Variants in RBFOX1 observed in about 807,000 individuals in gnomAD.
RBFOX1 encodes RNA binding fox-1 homolog 1.
RBFOX1 carries 8 observed loss-of-function variants against 57.7 expected under a neutral mutation model. The ratio of observed to expected loss-of-function variants is 0.14; its 90% CI spans 0.08 to 0.25. The LOEUF is 0.25. Among genes scored for constraint, RBFOX1 ranks in the 10% least tolerant of loss-of-function variants. The probability of loss-of-function intolerance (pLI) is 1.00; values close to 1 mark genes in which losing one functional copy is unlikely to be tolerated. For missense variants in RBFOX1, 611 were observed against 548.5 expected (o/e 1.11, Z -1.14); for synonymous variants, 326 against 222.4 (o/e 1.47, Z -4.15).
Position 5,807,018 on chromosome 16 carries a change from G to A in RBFOX1, c.319-60285G>A, listed in dbSNP as rs552261237. Among the ~76,000 whole-genome samples the A allele has an allele frequency of 3.3e-5, 5 of 152,244 alleles. No individual in the cohort carries two copies. The East Asian group carries it at 5.8e-4, about 18-fold the overall frequency. On this transcript the variant is annotated intron_variant, in intron 3 of 19. Coordinates refer to the RBFOX1 transcript ENST00000641259. ...GGGGGAGAAGCTAGAGCTACCCCCC[G>A]ACACCTCCTCCAGCAGGCACCAGTG...
chr16:6,020,108 G>A (rs905712125), intron 1 of RBFOX1, 116 bp downstream of exon 1: 7 of 1,193,716 alleles, frequency 5.9e-6, no homozygotes, highest in Non-Finnish European at 6.5e-6. Flanking sequence ...CCTAGCGCCA[G>A]TCTGGGCGCT....
chr16:5,393,128 G>C (rs936236046), intron 1 of RBFOX1, among the ~76,000 whole-genome samples: 2 of 152,140 alleles, frequency 1.3e-5, no homozygotes, highest in Admixed American at 1.3e-4. Flanking sequence ...CACCTAGAGT[G>C]ATGGAAATGG....
intron 1 of RBFOX1, among the ~76,000 whole-genome samples, chr16:6,052,599 T>A (rs1040888534): frequency 6.6e-6 from 1 of 151,716 alleles, no homozygotes; most frequent in African/African-American, 2.4e-5. Context: ...CCTGGCTAAC[T>A]TGGTGAAACT....
At chr16:6,775,513 C>T (rs1000179462) in intron 3 of RBFOX1, among the ~76,000 whole-genome samples, 1 of 151,914 alleles carries the variant, frequency 6.6e-6, no homozygotes, top group African/African-American at 2.4e-5. Context: ...AAATCAGATG[C>T]AACCAATTAT....
At chr16:7,689,530 C>T (rs533946977) in intron 14 of RBFOX1, among the ~76,000 whole-genome samples, 1 of 152,036 alleles carries the variant, frequency 6.6e-6, no homozygotes, top group Non-Finnish European at 1.5e-5. Flanking sequence ...ATTACCAGAC[C>T]TCTCTCCTGG....
At chr16:6,481,012 A>C (rs552685239) in intron 2 of RBFOX1, among the ~76,000 whole-genome samples, 1 of 152,300 alleles carries the variant, frequency 6.6e-6, no homozygotes, top group Non-Finnish European at 1.5e-5. Flanking sequence ...CATATCCACA[A>C]ATGTATCTTG....
rs148605185 is a variant in RBFOX1, at chr16:5,653,769, G to A, written c.318+54808G>A. Among the ~76,000 whole-genome samples the A allele has an allele frequency of 3.5e-4, 53 of 152,278 alleles. No individual in the cohort carries two copies. In the Middle Eastern group the frequency reaches 0.014, roughly 39 times the overall value. On this transcript the variant is annotated intron_variant, in intron 3 of 19. Coordinates refer to the RBFOX1 transcript ENST00000641259. Reference sequence around the variant, plus strand: ...ACAGGCCAGGGGTGGGGTGGCTCAAGCCCAGCCGGTTTACCTGCAGCCACT... The same window carrying A: ...ACAGGCCAGGGGTGGGGTGGCTCAAACCCAGCCGGTTTACCTGCAGCCACT...
chr16:6,658,506 C>T (rs745762485), intron 3 of RBFOX1, among the ~76,000 whole-genome samples: 67 of 152,176 alleles, frequency 4.4e-4, no homozygotes, highest in Middle Eastern at 3.4e-3. Context: ...CACACCCGGC[C>T]GAGAGCCCTC....
At chr16:6,215,829 G>A (rs188547540) in intron 1 of RBFOX1, among the ~76,000 whole-genome samples, 2 of 152,208 alleles carry the variant, frequency 1.3e-5, no homozygotes, top group East Asian at 1.9e-4. Context: ...CATCCCAATG[G>A]GTTGAATGTG....
chr16:5,682,283 C>G (rs1329467453), intron 3 of RBFOX1, among the ~76,000 whole-genome samples: 1 of 152,124 alleles, frequency 6.6e-6, no homozygotes, highest in Non-Finnish European at 1.5e-5. Context: ...ACCATTAATC[C>G]CCTTTGTGGT....
At chr16:7,041,289 G>T (rs373155719) in intron 3 of RBFOX1, among the ~76,000 whole-genome samples, 1 of 151,928 alleles carries the variant, frequency 6.6e-6, no homozygotes, top group African/African-American at 2.4e-5. Flanking sequence ...CACGTTGTCA[G>T]TGGCTGCTTT....
chr16:6,863,741 T>A (rs1233772741), intron 3 of RBFOX1, among the ~76,000 whole-genome samples: 2 of 115,232 alleles, frequency 1.7e-5, no homozygotes, highest in South Asian at 2.8e-4. Flanking sequence ...TTTTTTTTTT[T>A]TTTTTTTTTT....
At chr16:7,603,186 G>A (rs1225820079) in intron 9 of RBFOX1, among the ~76,000 whole-genome samples, 5 of 152,156 alleles carry the variant, frequency 3.3e-5, no homozygotes, top group African/African-American at 1.2e-4. Context: ...ATTTAATGTA[G>A]AGTCTATGGA....
At chr16:7,200,242 A>G (rs543784713) in intron 4 of RBFOX1, among the ~76,000 whole-genome samples, 232 of 152,296 alleles carry the variant, frequency 1.5e-3, no homozygotes, top group Non-Finnish European at 2.3e-3. Context: ...GGTAAGGATG[A>G]TACTGTGGTT....
intron 3 of RBFOX1, among the ~76,000 whole-genome samples, chr16:6,774,487 C>T (rs1019557671): frequency 1.3e-5 from 2 of 152,112 alleles, no homozygotes; most frequent in Non-Finnish European, 2.9e-5. Flanking sequence ...TCTCTGCTAC[C>T]AAGCATGAAT....
intron 3 of RBFOX1, among the ~76,000 whole-genome samples, chr16:6,895,901 A>G (rs1015995115): frequency 1.3e-5 from 2 of 151,972 alleles, no homozygotes; most frequent in African/African-American, 4.8e-5. Flanking sequence ...ATCTTTTTGT[A>G]AAATGTTTTT....
At chr16:6,218,471 G>A (rs1235649032) in intron 1 of RBFOX1, among the ~76,000 whole-genome samples, 2 of 152,034 alleles carry the variant, frequency 1.3e-5, no homozygotes, top group South Asian at 4.2e-4. Flanking sequence ...ACCACACCTG[G>A]CTAATTTTTG....
At chr16:6,617,983 G>C (rs529505018) in intron 2 of RBFOX1, among the ~76,000 whole-genome samples, 16 of 152,118 alleles carry the variant, frequency 1.1e-4, no homozygotes, top group Non-Finnish European at 1.9e-4. Flanking sequence ...CTTTCAGAAG[G>C]CTACCCTTAT....
intron 3 of RBFOX1, among the ~76,000 whole-genome samples, chr16:6,933,606 C>G (rs757633975): frequency 6.6e-6 from 1 of 152,110 alleles, no homozygotes; most frequent in Non-Finnish European, 1.5e-5. Flanking sequence ...CCAGCTACTC[C>G]GGAGGCTGAA....
Sources: allele counts gnomAD v4.1 joint callset (sites outside exome capture counted in the v4.1 genomes callset), GRCh38; gene constraint gnomAD v4.1.1; transcripts MANE v1.5; gene names NCBI Gene and HGNC (gene_info 2026-07-23, HGNC 2026-07-21).